Variants in RAB1A observed in about 807,000 individuals in gnomAD.
RAB1A encodes the protein ras-related protein Rab-1A.
Under a neutral mutation model 26.0 loss-of-function variants are expected in RAB1A, and 2 were observed. The observed-to-expected ratio is 0.08, with a 90% CI of 0.03 to 0.24. The LOEUF is 0.24. Ranked by LOEUF, RAB1A falls within the 10% of genes least tolerant of loss-of-function variation. The pLI, the probability that RAB1A is intolerant of heterozygous loss-of-function variation, is 1.00. For synonymous variants in RAB1A, 84 were observed against 84.9 expected (o/e 0.99, Z 0.06); for missense variants, 100 against 247.0 (o/e 0.40, Z 3.99).
At chr2:65,128,349 G>C (rs1319843477) in intron 1 of RAB1A, among the ~76,000 whole-genome samples, 3 of 152,004 alleles carry the variant, frequency 2.0e-5, no homozygotes, top group African/African-American at 4.8e-5. Context: ...TATAAACCTC[G>C]ATAAAGCAGT....
chr2:65,096,100 C>T (rs1669276589), intron 3 of RAB1A, among the ~76,000 whole-genome samples: 1 of 152,038 alleles, frequency 6.6e-6, no homozygotes. Context: ...CTGCAGCGAG[C>T]CAAGATTGCA....
chr2:65,129,355 C>A (rs1040662293), intron 1 of RAB1A, among the ~76,000 whole-genome samples: 7 of 152,090 alleles, frequency 4.6e-5, no homozygotes, highest in Non-Finnish European at 1.0e-4. Flanking sequence ...CCCTCAATCC[C>A]ACGCAGTCCC....
chr2:65,123,376 G>A (rs988464701), intron 1 of RAB1A, among the ~76,000 whole-genome samples: 1 of 151,696 alleles, frequency 6.6e-6, no homozygotes, highest in Non-Finnish European at 1.5e-5. Context: ...CACCGTGTTA[G>A]CCAGGATGGT....
At chr2:65,089,859 C>T (rs78011059) in intron 4 of RAB1A, among the ~76,000 whole-genome samples, 7,070 of 152,164 alleles carry the variant, frequency 0.046, 166 homozygotes, top group Middle Eastern at 0.075. Flanking sequence ...CGGGCCCCCA[C>T]GCCTGGCTAA....
chr2:65,112,146 GA>G (rs762134739), intron 1 of RAB1A, among the ~76,000 whole-genome samples: 12 of 144,360 alleles, frequency 8.3e-5, no homozygotes, highest in Non-Finnish European at 1.5e-4. Flanking sequence ...GCTAGCTCAT[GA>G]TTTTTTTTTT....
At chr2:65,104,904 T>G in intron 1 of RAB1A, 98 bp from the exon 2 acceptor site, 2 of 992,144 alleles carry the variant, frequency 2.0e-6, no homozygotes, top group Non-Finnish European at 3.2e-6. Context: ...CAACTCACTG[T>G]GAAGACTACA....
intron 2 of RAB1A, among the ~76,000 whole-genome samples, 198 bp downstream of exon 2, chr2:65,104,536 A>G (rs915779652): frequency 6.6e-6 from 1 of 152,196 alleles, no homozygotes; most frequent in Non-Finnish European, 1.5e-5. Flanking sequence ...ACTTCACTGA[A>G]TTTCTTTTAA....
At chr2:65,123,220 G>A (rs1316597927) in intron 1 of RAB1A, among the ~76,000 whole-genome samples, 2 of 149,004 alleles carry the variant, frequency 1.3e-5, no homozygotes, top group East Asian at 2.1e-4. Flanking sequence ...GCCCAGGCTG[G>A]AGTGCAGTGG....
At chr2:65,096,921 A>AC (rs1179371754) in intron 3 of RAB1A, among the ~76,000 whole-genome samples, 1 of 152,258 alleles carries the variant, frequency 6.6e-6, no homozygotes, top group Non-Finnish European at 1.5e-5. Context: ...CAAAGCTATT[A>AC]CAGTTGGTTC....
intron 2 of RAB1A, among the ~76,000 whole-genome samples, chr2:65,102,084 A>G (rs190931176): frequency 1.3e-5 from 2 of 152,186 alleles, no homozygotes; most frequent in Non-Finnish European, 2.9e-5. Flanking sequence ...CTGACTGCTC[A>G]TGTATTTGCC....
At chr2:65,096,304 T>C (rs1423650202) in intron 3 of RAB1A, among the ~76,000 whole-genome samples, 3 of 151,982 alleles carry the variant, frequency 2.0e-5, no homozygotes, top group African/African-American at 4.8e-5. Context: ...GACAGAGCAA[T>C]ACTGTATCTC....
In RAB1A at chr2:65,104,770, T is replaced by C. The variant is rs530414027; in HGVS notation, c.60A>G (p.Ser20=). ...GAAGAAGGCAAGACTTTCCAACCCC[T>C]GAGTCGCCAATCAGAAGTAACTTGA... is the stretch of plus-strand genomic sequence containing the variant. ...YLFKLLLIGD[S]GVGKSCLLLR... is the part of the protein sequence containing the mutation. The change falls in exon 2 of 6, where the codon TCA becomes TCG. Residue 20 remains serine, a synonymous_variant. Transcript: ENST00000409784. 1.4e-5 allele frequency: 23 copies of C among 1,604,812 alleles called. No homozygotes were observed. The highest frequency in any genetic ancestry group is 1.8e-5 in the Non-Finnish European group (21 of 1,174,738).
At chr2:65,095,135 G>A (rs1276057253) in intron 3 of RAB1A, among the ~76,000 whole-genome samples, 3 of 152,098 alleles carry the variant, frequency 2.0e-5, no homozygotes, top group Admixed American at 1.3e-4. Context: ...AAGAAAAAAA[G>A]AAGAATCACT....
chr2:65,098,142 CTG>C (rs1669333856), intron 2 of RAB1A, 76 bp from the exon 3 acceptor site: 3 of 796,128 alleles, frequency 3.8e-6, no homozygotes, highest in Non-Finnish European at 5.6e-6. Context: ...AAAAAAAAAA[CTG>C]TTGTTCAAGA....
At chr2:65,114,414 G>A (rs553823109) in intron 1 of RAB1A, among the ~76,000 whole-genome samples, 24 of 151,828 alleles carry the variant, frequency 1.6e-4, no homozygotes, top group Non-Finnish European at 2.5e-4. Flanking sequence ...CCTTAGAAAA[G>A]GCCTATTTAT....
rs1358236924 is a variant in RAB1A, at chr2:65,129,995, G to T, written c.-80C>A. The T allele has an allele frequency of 8.2e-6, 12 of 1,465,878 alleles. No homozygotes were observed. Among genetic ancestry groups the T allele is most frequent in the Admixed American group, 3.9e-5 (2 of 50,986 alleles). The allele number at this position is 1,465,878 out of a possible 1,614,324, so 90.8% of individuals were successfully genotyped here. A position where few individuals can be genotyped will look rare whatever the true frequency, so the allele number is the denominator to read the frequency against. ...CTGACTCTCCGCGCCACGGGTAATC[G>T]AAAGAAAGGAATGAGATAGGCTGTT... On this transcript the variant is annotated 5_prime_UTR_variant, in exon 1 of 6. Coordinates refer to ENST00000409784, the MANE Select transcript of RAB1A (RefSeq NM_004161.5).
chr2:65,100,888 G>A (rs564872516), intron 2 of RAB1A, among the ~76,000 whole-genome samples: 38 of 152,136 alleles, frequency 2.5e-4, no homozygotes, highest in African/African-American at 9.2e-4. Flanking sequence ...GCTCACGCCT[G>A]TAATCCCAGC....
chr2:65,112,502 C>A (rs528147331), intron 1 of RAB1A, among the ~76,000 whole-genome samples: 2 of 152,270 alleles, frequency 1.3e-5, no homozygotes, highest in East Asian at 1.9e-4. Context: ...CAAGTTAAAT[C>A]TAATCACAAA....
At chr2:65,120,129 C>G (rs1173904582) in intron 1 of RAB1A, among the ~76,000 whole-genome samples, 1 of 151,890 alleles carries the variant, frequency 6.6e-6, no homozygotes, top group Admixed American at 6.6e-5. Context: ...TCATCTAACC[C>G]ACTTTAAGAC....
Sources: allele counts gnomAD v4.1 joint callset (sites outside exome capture counted in the v4.1 genomes callset), GRCh38; gene constraint gnomAD v4.1.1; transcripts MANE v1.5; gene names NCBI Gene and HGNC (gene_info 2026-07-23, HGNC 2026-07-21).